The following NAV2 variants were observed in gnomAD, a reference collection of about 807,000 sequenced individuals.
The protein encoded by NAV2 is neuron navigator 2.
A neutral mutation model predicts 223.2 loss-of-function variants in NAV2; 54 were observed. That is an observed-to-expected ratio of 0.24 (90% confidence interval 0.19 to 0.30). The LOEUF is 0.30. Among genes scored for constraint, NAV2 ranks in the 10% least tolerant of loss-of-function variants. The probability of loss-of-function intolerance (pLI) is 1.00; values close to 1 mark genes in which losing one functional copy is unlikely to be tolerated. For synonymous variants in NAV2, 1,279 were observed against 1,239.3 expected (o/e 1.03, Z -0.67); for missense variants, 2,806 against 3,147.5 (o/e 0.89, Z 2.60).
Position 20,077,991 on chromosome 11 carries a change from AG to A in NAV2, c.5068del. 6.2e-7 allele frequency: 1 copy of A among 1,609,026 alleles called. No individual in the cohort carries two copies. Among genetic ancestry groups the A allele is most frequent in the Non-Finnish European group, 8.5e-7 (1 of 1,175,668 alleles). On this transcript the variant is annotated splice_acceptor_variant, in intron 23 of 37. Coordinates refer to ENST00000349880, the MANE Select transcript of NAV2 (RefSeq NM_145117.5). LOFTEE classifies it high-confidence loss of function. ...TGACCAATAATTTTTTCTGTTCCCTAGGACTCAGAACTGAATGAGTTAAGAA... is the reference window on the plus strand; with the variant it reads ...TGACCAATAATTTTTTCTGTTCCCTAGACTCAGAACTGAATGAGTTAAGAA...
chr11:19,993,741 A>G (rs914067771), intron 11 of NAV2, among the ~76,000 whole-genome samples: 1 of 152,252 alleles, frequency 6.6e-6, no homozygotes, highest in African/African-American at 2.4e-5. Flanking sequence ...TCTTCTTGGT[A>G]GATGAAGGAA....
At chr11:19,464,730 A>G (rs1167103762) in intron 1 of NAV2, among the ~76,000 whole-genome samples, 3 of 152,200 alleles carry the variant, frequency 2.0e-5, no homozygotes, top group African/African-American at 7.2e-5. Flanking sequence ...GCCTTGTTCA[A>G]ATTTGCTGCT....
At chr11:19,942,420 T>C (rs1197479033) in intron 8 of NAV2, among the ~76,000 whole-genome samples, 3 of 152,216 alleles carry the variant, frequency 2.0e-5, no homozygotes, top group Admixed American at 1.3e-4. Context: ...CCATATCATC[T>C]GACTCTCACC....
intron 1 of NAV2, among the ~76,000 whole-genome samples, chr11:19,790,777 C>T (rs1168444684): frequency 6.6e-6 from 1 of 152,074 alleles, no homozygotes; most frequent in Non-Finnish European, 1.5e-5. Context: ...TCATGCAACA[C>T]CAAGTCGCTA....
intron 1 of NAV2, among the ~76,000 whole-genome samples, chr11:19,626,266 A>C (rs1486589224): frequency 6.6e-6 from 1 of 152,182 alleles, no homozygotes. Context: ...TTTTCCCAAC[A>C]CCATTTATTG....
chr11:19,872,856 C>T (rs2062609045), intron 4 of NAV2, among the ~76,000 whole-genome samples: 1 of 152,228 alleles, frequency 6.6e-6, no homozygotes, highest in Non-Finnish European at 1.5e-5. Context: ...CTAGGCCTCC[C>T]TGCCCTGTCA....
intron 8 of NAV2, among the ~76,000 whole-genome samples, chr11:19,941,217 A>G (rs527468689): frequency 2.0e-5 from 3 of 152,144 alleles, no homozygotes; most frequent in African/African-American, 7.2e-5. Context: ...TTTTATCTCC[A>G]TGTCTCCCCT....
At chr11:19,355,421 G>A (rs1198430853) in intron 1 of NAV2, among the ~76,000 whole-genome samples, 1 of 151,996 alleles carries the variant, frequency 6.6e-6, no homozygotes, top group Non-Finnish European at 1.5e-5. Flanking sequence ...AAATTTCTAG[G>A]GTTGGCTGAA....
intron 1 of NAV2, among the ~76,000 whole-genome samples, chr11:19,414,315 C>T (rs181724174): frequency 1.6e-3 from 244 of 152,268 alleles, no homozygotes; most frequent in African/African-American, 5.7e-3. Context: ...ATAAAACAGA[C>T]TTTAAACCAA....
intron 1 of NAV2, among the ~76,000 whole-genome samples, chr11:19,579,599 T>A (rs1256918992): frequency 6.6e-6 from 1 of 152,186 alleles, no homozygotes; most frequent in Non-Finnish European, 1.5e-5. Flanking sequence ...GCTTTCCTCC[T>A]CTGGAAGATA....
intron 1 of NAV2, among the ~76,000 whole-genome samples, chr11:19,399,889 C>A (rs970382263): frequency 6.6e-6 from 1 of 152,128 alleles, no homozygotes; most frequent in Admixed American, 6.5e-5. Context: ...GGAAGAGAAG[C>A]CCCTTACCCA....
rs1053245460 is a variant in NAV2 at position 20,040,635 on chromosome 11, G to A, written c.2908-3346G>A. On this transcript the variant is annotated intron_variant, in intron 12 of 37. Coordinates refer to ENST00000349880, the MANE Select transcript of NAV2 (RefSeq NM_145117.5). ...TGGCCTCCCTTCTGAAGTCCCTTGT[G>A]CGTGGCTTCTTTCCTCACCTTCCCA... 4.6e-5 allele frequency among the ~76,000 whole-genome samples: 7 copies of A among 152,156 alleles called. No homozygotes were observed. In the East Asian group the frequency reaches 1.3e-3, roughly 29 times the overall value.
chr11:19,601,765 G>A (rs1223338827), intron 1 of NAV2, among the ~76,000 whole-genome samples: 1 of 152,194 alleles, frequency 6.6e-6, no homozygotes, highest in Non-Finnish European at 1.5e-5. Context: ...CTAAAGCTCA[G>A]TTGTTAGCTT....
At chr11:19,380,516 C>T (rs1003191190) in intron 1 of NAV2, 2 of 152,218 alleles carry the variant, frequency 1.3e-5, no homozygotes, top group African/African-American at 2.4e-5. Context: ...GAGCTCCCAT[C>T]TCCGGGGATC....
At chr11:19,906,009 C>T (rs1182090317) in intron 6 of NAV2, among the ~76,000 whole-genome samples, 1 of 152,116 alleles carries the variant, frequency 6.6e-6, no homozygotes, top group Non-Finnish European at 1.5e-5. Flanking sequence ...ATCATAGCCA[C>T]GTATGATTTC....
chr11:20,097,792 T>TTGGCATAGTCAC, intron 31 of NAV2, 47 bp downstream of exon 31: 2 of 1,509,240 alleles, frequency 1.3e-6, no homozygotes, highest in Non-Finnish European at 1.8e-6. Context: ...AATTGCAGTG[T>TTGGCATAGTCAC]TTGTTTTGTG....
At chr11:19,953,674 A>G (rs2047579012) in intron 10 of NAV2, among the ~76,000 whole-genome samples, 1 of 152,226 alleles carries the variant, frequency 6.6e-6, no homozygotes, top group Non-Finnish European at 1.5e-5. Flanking sequence ...TTGCATGGGA[A>G]GTGTCTGAAA....
chr11:20,040,789 C>T (rs377103670), intron 12 of NAV2, among the ~76,000 whole-genome samples: 1 of 152,314 alleles, frequency 6.6e-6, no homozygotes, highest in South Asian at 2.1e-4. Context: ...ACTCTTCGTA[C>T]GTCCCCATGT....
intron 1 of NAV2, among the ~76,000 whole-genome samples, chr11:19,513,311 G>A (rs992747764): frequency 2.0e-5 from 3 of 152,200 alleles, no homozygotes; most frequent in Non-Finnish European, 2.9e-5. Flanking sequence ...GTAGAATGTC[G>A]AATGACCCCA....
Sources: gnomAD v4.1 joint callset for allele counts (sites outside exome capture counted in the v4.1 genomes callset) on GRCh38, gnomAD v4.1.1 for gene constraint, MANE v1.5 for transcripts, NCBI Gene and HGNC (gene_info 2026-07-23, HGNC 2026-07-21) for gene names.